FABP6: variants seen among roughly 807,000 people sequenced by gnomAD.
The protein encoded by FABP6 is gastrotropin.
Under a neutral mutation model 14.9 loss-of-function variants are expected in FABP6, and 13 were observed. The ratio of observed to expected loss-of-function variants is 0.87; its 90% CI spans 0.57 to 1.39. The LOEUF (loss-of-function observed/expected upper bound fraction) is 1.39, where lower values mean the gene tolerates loss of function less well. Ranked by LOEUF, FABP6 falls within the 40% of genes most tolerant of loss-of-function variation. The pLI, the probability that FABP6 is intolerant of heterozygous loss-of-function variation, is 0.00. For synonymous variants in FABP6, 75 were observed against 63.6 expected, an observed-to-expected ratio of 1.18 and a Z score of -0.85; for missense variants, 161 against 167.2, an observed-to-expected ratio of 0.96 and a Z score of 0.20.
chr5:160,227,542 AAG>A (rs1554114149), upstream of FABP6, among the ~76,000 whole-genome samples: 882 of 150,162 alleles, frequency 5.9e-3, 3 homozygotes, highest in South Asian at 0.013. Context: ...AAAAAAAAAA[AAG>A]GCATGGTGGC....
chr5:160,187,977 C>A (rs948535270), intron 1 of FABP6, among the ~76,000 whole-genome samples: 3 of 152,080 alleles, frequency 2.0e-5, no homozygotes, highest in African/African-American at 4.8e-5. Flanking sequence ...GTCTAGAACT[C>A]CCGACTTCAG....
At chr5:160,226,319 T>C (rs1042358834), upstream of FABP6, among the ~76,000 whole-genome samples, 1 of 151,408 alleles carries the variant, frequency 6.6e-6, no homozygotes, top group Non-Finnish European at 1.5e-5. Context: ...TTCCAGCACT[T>C]TGGGAGGCCG....
Position 160,229,533 on chromosome 5 carries a change from C to G in FABP6, c.-25C>G, listed in dbSNP as rs1350954866. Reference sequence around the variant, plus strand: ...CACCCATTCTCCTCATCCCTCTGCTCTCTGGCCTCCAGCCTCCCAGCAGCA... The same window carrying G: ...CACCCATTCTCCTCATCCCTCTGCTGTCTGGCCTCCAGCCTCCCAGCAGCA... On this transcript the variant is annotated 5_prime_UTR_variant, in exon 1 of 4. Coordinates refer to ENST00000402432, the MANE Select transcript of FABP6 (RefSeq NM_001445.3). The G allele has an allele frequency of 5.0e-6, 8 of 1,613,890 alleles. No homozygotes were observed. The highest frequency in any genetic ancestry group is 3.3e-4 in the Middle Eastern group (2 of 6,050).
At chr5:160,213,826 G>A in intron 3 of FABP6, 1 of 1,611,092 alleles carries the variant, frequency 6.2e-7, no homozygotes, top group Non-Finnish European at 8.5e-7. Flanking sequence ...AAAGGTATGG[G>A]GTAGAAGAAG....
At chr5:160,235,000 C>T (rs762255509) in intron 3 of FABP6, 91 bp downstream of exon 3, 6 of 1,066,016 alleles carry the variant, frequency 5.6e-6, no homozygotes, top group Non-Finnish European at 8.2e-6. Context: ...ACGCAGCTGG[C>T]TTTACCAGCA....
chr5:160,228,933 C>A (rs369966585), upstream of FABP6, among the ~76,000 whole-genome samples: 1 of 152,176 alleles, frequency 6.6e-6, no homozygotes, highest in Non-Finnish European at 1.5e-5. Context: ...TCCTCCAAGA[C>A]GGGTGCCAAA....
intron 2 of FABP6, among the ~76,000 whole-genome samples, chr5:160,208,064 T>G (rs1454378063): frequency 6.6e-6 from 1 of 152,156 alleles, no homozygotes; most frequent in Non-Finnish European, 1.5e-5. Context: ...TTTTCTCAAT[T>G]TTATGTAAAA....
chr5:160,196,191 T>C (rs1220222012), intron 1 of FABP6, among the ~76,000 whole-genome samples: 1 of 152,214 alleles, frequency 6.6e-6, no homozygotes, highest in Non-Finnish European at 1.5e-5. Context: ...GGAGCCACCA[T>C]GGCACTCAAG....
At chr5:160,236,556 G>A (rs576606683) in intron 3 of FABP6, among the ~76,000 whole-genome samples, 3 of 152,254 alleles carry the variant, frequency 2.0e-5, no homozygotes, top group South Asian at 2.1e-4. Context: ...GGACTTGGCC[G>A]TGGCCACACA....
intron 3 of FABP6, among the ~76,000 whole-genome samples, chr5:160,235,345 G>A (rs568775678): frequency 6.6e-6 from 1 of 152,258 alleles, no homozygotes; most frequent in South Asian, 2.1e-4. Flanking sequence ...CCTTCTACCA[G>A]ATCTTCTGAT....
At chr5:160,208,442 A>C (rs1018800631) in intron 2 of FABP6, among the ~76,000 whole-genome samples, 6 of 152,130 alleles carry the variant, frequency 3.9e-5, no homozygotes, top group African/African-American at 1.4e-4. Context: ...TGTCTCTTAA[A>C]AAAAAAGAAA....
intron 2 of FABP6, 83 bp from the exon 3 acceptor site, chr5:160,234,734 ATTC>A (rs1760469338): frequency 9.2e-7 from 1 of 1,082,320 alleles, no homozygotes; most frequent in African/African-American, 1.6e-5. Context: ...GCCTTGGTAA[ATTC>A]TTCTTACTGC....
rs1363534198 is a variant in FABP6 at position 160,199,347 on chromosome 5, CATT to C, written c.51+191_51+193del. 4.6e-5 allele frequency among the ~76,000 whole-genome samples: 7 copies of C among 152,324 alleles called. 1 individual carries two copies. In the South Asian group the frequency reaches 6.2e-4, roughly 14 times the overall value. On this transcript the variant is annotated intron_variant, in intron 2 of 6. Coordinates refer to the FABP6 transcript ENST00000393980. ...TCTGTGACTGTCTTTGTGACAGTCTCATTGTTGTTGTTACTAAGATGGCTTCCC... is the reference window on the plus strand; with the variant it reads ...TCTGTGACTGTCTTTGTGACAGTCTCGTTGTTGTTACTAAGATGGCTTCCC...
chr5:160,226,389 G>C (rs865931384), upstream of FABP6, among the ~76,000 whole-genome samples: 1 of 151,096 alleles, frequency 6.6e-6, no homozygotes, highest in East Asian at 2.0e-4. Context: ...GGAAAACCCC[G>C]TCTCTACTAA....
intron 2 of FABP6, among the ~76,000 whole-genome samples, chr5:160,199,626 C>T (rs1455701477): frequency 6.6e-6 from 1 of 152,180 alleles, no homozygotes; most frequent in Admixed American, 6.5e-5. Flanking sequence ...CTTGCCATTC[C>T]TGTCTCCCTC....
At chr5:160,188,651 G>A (rs1278864676) in intron 1 of FABP6, among the ~76,000 whole-genome samples, 1 of 152,220 alleles carries the variant, frequency 6.6e-6, no homozygotes, top group Non-Finnish European at 1.5e-5. Flanking sequence ...GACTTTGGCC[G>A]GCTTCTCCCT....
At chr5:160,210,079 A>G (rs550799454) in intron 2 of FABP6, among the ~76,000 whole-genome samples, 1 of 152,318 alleles carries the variant, frequency 6.6e-6, no homozygotes, top group Non-Finnish European at 1.5e-5. Context: ...AAGGCAAGTC[A>G]AACAGGTAAA....
intron 1 of FABP6, among the ~76,000 whole-genome samples, chr5:160,188,516 C>T (rs1441496723): frequency 1.3e-5 from 2 of 152,160 alleles, no homozygotes; most frequent in African/African-American, 4.8e-5. Flanking sequence ...TCCGCAGGCG[C>T]CTCCCCTTTC....
chr5:160,238,556 C>T, intron 3 of FABP6, 50 bp from the exon 4 acceptor site: 1 of 1,559,254 alleles, frequency 6.4e-7, no homozygotes, highest in Non-Finnish European at 8.8e-7. Flanking sequence ...TGCCTCCTGG[C>T]TACCTTGGGG....
Sources: allele counts gnomAD v4.1 joint callset (sites outside exome capture counted in the v4.1 genomes callset), GRCh38; gene constraint gnomAD v4.1.1; transcripts MANE v1.5; gene names NCBI Gene and HGNC (gene_info 2026-07-23, HGNC 2026-07-21).